Variants in PFKL observed in about 807,000 individuals in gnomAD.
PFKL encodes the protein ATP-dependent 6-phosphofructokinase, liver type.
PFKL carries 74 observed loss-of-function variants against 92.1 expected under a neutral mutation model. The observed-to-expected ratio is 0.80, with a 90% CI of 0.67 to 0.97. PFKL has a LOEUF of 0.97. Among genes scored for constraint, PFKL ranks in the 50% least tolerant of loss-of-function variants. PFKL has a pLI of 0.00. For synonymous variants in PFKL, 494 were observed against 456.4 expected (o/e 1.08, Z -1.05); for missense variants, 1,028 against 1,116.6 (o/e 0.92, Z 1.13).
At chr21:44,306,287 T>G (rs533039065) in intron 1 of PFKL, among the ~76,000 whole-genome samples, 5 of 152,120 alleles carry the variant, frequency 3.3e-5, no homozygotes, top group Admixed American at 6.5e-5. Context: ...CATGCCTGAT[T>G]GCCATGCTCT....
At chr21:44,300,648 G>A (rs1020469154) in intron 1 of PFKL, among the ~76,000 whole-genome samples, 25 of 152,260 alleles carry the variant, frequency 1.6e-4, no homozygotes, top group Admixed American at 1.6e-3. Flanking sequence ...ACTCACTCCC[G>A]GACCGCGCCT....
chr21:44,319,377 T>A lies in PFKL; in HGVS notation c.1089T>A (p.Asp363Glu). 1 of 1,613,742 alleles carries A rather than the reference T, an allele frequency of 6.2e-7. No homozygotes were observed. Among genetic ancestry groups the A allele is most frequent in the South Asian group, 1.1e-5 (1 of 91,088 alleles). ...QMTKEVQKAM[D>E]DKRFDEATQL... ...CCAAGGAAGTGCAGAAAGCCATGGA[T>A]GACAAGAGGTTTGACGAGGCCACCC... The change falls in exon 11 of 22, where the codon GAT (aspartate) becomes GAA (glutamate). Residue 363 changes from aspartate (D) to glutamate (E), a missense_variant. Physicochemically the swap from Asp to Glu is conservative, Grantham distance 45 (BLOSUM62 2). Coordinates refer to ENST00000349048, the MANE Select transcript of PFKL (RefSeq NM_002626.6).
In PFKL at chr21:44,326,031, CGGA is replaced by C; in HGVS notation, c.2062_2064del (p.Glu688del). 1 of 1,613,834 alleles carries C rather than the reference CGGA, an allele frequency of 6.2e-7. No homozygotes were observed. The highest frequency in any genetic ancestry group is 8.5e-7 in the Non-Finnish European group (1 of 1,179,948). On this transcript the variant is annotated inframe_deletion, in exon 20 of 22. Coordinates refer to ENST00000349048, the MANE Select transcript of PFKL (RefSeq NM_002626.6). ...GGGGTGAAGGCCATGCTGTGGTTGT[CGGA>C]GAAGCTGCGCGAGGTTTACCGCAAG... is the stretch of plus-strand genomic sequence containing the variant.
chr21:44,312,051 G>C (rs1289196672), intron 3 of PFKL, 54 bp from the exon 4 acceptor site: 1 of 1,340,204 alleles, frequency 7.5e-7, no homozygotes. Context: ...GTGATCCCCA[G>C]GGGCTGTCTG....
intron 2 of PFKL, chr21:44,307,285 G>T: frequency 1.0e-6 from 1 of 985,372 alleles, no homozygotes; most frequent in Non-Finnish European, 1.2e-6. Flanking sequence ...TACTGCCTCA[G>T]CCCCAGTCCC....
In PFKL at chr21:44,325,312, C is replaced by T. The variant is rs770269064; in HGVS notation, c.1989+48C>T. The T allele has an allele frequency of 2.3e-5, 30 of 1,286,392 alleles. No homozygotes were observed. The South Asian group carries it at 3.5e-4, about 15-fold the overall frequency. The allele number at this position is 1,286,392 out of a possible 1,614,324, so 79.7% of individuals were successfully genotyped here. A position where few individuals can be genotyped will look rare whatever the true frequency, so the allele number is the denominator to read the frequency against. The stretch of plus-strand genomic sequence containing the variant: ...TGAGAGGCCTGCCCCTCTTTCCTGC[C>T]ACCATCTGTCCCCGGCCCCAGGGGT... On this transcript the variant is annotated intron_variant, in intron 19 of 21. Transcript: ENST00000349048.
rs373942291 is a variant in PFKL at position 44,312,309 on chromosome 21, G to A, written c.427+15G>A. On this transcript the variant is annotated intron_variant, in intron 4 of 21. Coordinates refer to ENST00000349048, the MANE Select transcript of PFKL (RefSeq NM_002626.6). ...GGTGGCGGAAGGTGGGTCTGTGCCC[G>A]GCGCACTGTAGGCCCTGGGGTTTTG... 86 of 1,573,798 alleles carry A rather than the reference G, an allele frequency of 5.5e-5. No individual in the cohort carries two copies. In the East Asian group the frequency reaches 9.3e-4, roughly 17 times the overall value.
rs866533975 is a variant in PFKL at position 44,324,762 on chromosome 21, G to A, written c.1816-94G>A. ...GGCAGGGCCCGGGCAGGTGGGACGC[G>A]TAGCCCAGTGCTCCTGCTGGCCCCG... On this transcript the variant is annotated intron_variant, in intron 17 of 21. Coordinates refer to ENST00000349048, the MANE Select transcript of PFKL (RefSeq NM_002626.6). The A allele has an allele frequency of 1.2e-4, 187 of 1,569,306 alleles. 2 individuals are homozygous for A. In the Middle Eastern group the frequency reaches 4.9e-3, roughly 41 times the overall value.
At chr21:44,324,192 C>CT (rs1016667147) in intron 16 of PFKL, among the ~76,000 whole-genome samples, 5 of 152,256 alleles carry the variant, frequency 3.3e-5, no homozygotes, top group East Asian at 1.9e-4. Context: ...GCTGGGTAGT[C>CT]TAAGAGCAGC....
At chr21:44,304,270 C>G (rs1162227246) in intron 1 of PFKL, 2 of 1,289,094 alleles carry the variant, frequency 1.6e-6, no homozygotes, top group East Asian at 5.5e-5. Flanking sequence ...CTTTGCCGTT[C>G]CCAGGTCCCC....
intron 4 of PFKL, among the ~76,000 whole-genome samples, chr21:44,312,723 A>C (rs933495439): frequency 6.6e-6 from 1 of 152,184 alleles, no homozygotes; most frequent in African/African-American, 2.4e-5. Context: ...CATGTCCCTC[A>C]TGTGGGGGAC....
chr21:44,314,576 C>T (rs1000913806), intron 7 of PFKL: 6 of 144,260 alleles, frequency 4.2e-5, no homozygotes, highest in Admixed American at 1.4e-4. Context: ...AGGCCGAGAC[C>T]GCCTCTGGGA....
rs563378995 is a variant in PFKL at position 44,306,621 on chromosome 21, A to AGGG, written c.86-59_86-57dup. The AGGG allele has an allele frequency of 3.9e-4, 549 of 1,401,896 alleles. 6 individuals are homozygous for AGGG. In the African/African-American group the frequency reaches 6.5e-3, roughly 17 times the overall value. 86.8% of individuals were successfully genotyped at this position (1,401,896 alleles called of 1,614,324 possible). A position where few individuals can be genotyped will look rare whatever the true frequency, so the allele number is the denominator to read the frequency against. ...CTACCCCCTGTCCTCTGAGATGGGG[A>AGGG]GGGTGTCCAGGGCCTTGCTTCTCAG... On this transcript the variant is annotated intron_variant, in intron 1 of 21. Coordinates refer to ENST00000349048, the MANE Select transcript of PFKL (RefSeq NM_002626.6).
chr21:44,312,415 C>T, intron 4 of PFKL, 121 bp downstream of exon 4: 2 of 934,986 alleles, frequency 2.1e-6, no homozygotes, highest in Non-Finnish European at 3.1e-6. Flanking sequence ...AGAGGAGGGG[C>T]TGTCTGGCCG....
In PFKL at chr21:44,320,110, A is replaced by G; in HGVS notation, c.1154A>G (p.Tyr385Cys). 1.2e-6 allele frequency: 2 copies of G among 1,613,392 alleles called. No homozygotes were observed. The highest frequency in any genetic ancestry group is 1.7e-6 in the Non-Finnish European group (2 of 1,179,808). Residue 385 changes from tyrosine (Y) to cysteine (C), a missense_variant, in exon 12 of 22, where the codon TAC (tyrosine) becomes TGC (cysteine). Transcript: ENST00000349048. ...AGCTTCGAGAACAACTGGAACATTT[A>G]CAAGCTCCTCGCCCACCAGAAGCCC... The part of the protein sequence containing the change: ...GGSFENNWNI[Y>C]KLLAHQKPPK...
chr21:44,312,635 G>C (rs1210197639), intron 4 of PFKL, among the ~76,000 whole-genome samples: 1 of 152,234 alleles, frequency 6.6e-6, no homozygotes, highest in Non-Finnish European at 1.5e-5. Flanking sequence ...CAGAAATAGA[G>C]TTGAAGTTGG....
At chr21:44,312,419 CTGG>C in intron 4 of PFKL, 125 bp downstream of exon 4, 1 of 893,086 alleles carries the variant, frequency 1.1e-6, no homozygotes, top group Non-Finnish European at 1.6e-6. Context: ...GAGGGGCTGT[CTGG>C]CCGTTGGCCG....
At chr21:44,311,123 C>G (rs554945102) in intron 3 of PFKL, 40 bp downstream of exon 3, 1 of 1,516,126 alleles carries the variant, frequency 6.6e-7, no homozygotes, top group East Asian at 2.3e-5. Flanking sequence ...CACTTGGACT[C>G]GCAGACAGAC....
intron 6 of PFKL, 31 bp from the exon 7 acceptor site, chr21:44,313,882 G>C: frequency 6.6e-7 from 1 of 1,517,558 alleles, no homozygotes; most frequent in Non-Finnish European, 8.9e-7. Flanking sequence ...CTGGGTGGGG[G>C]TCCTGAGCAG....
Sources: allele counts gnomAD v4.1 joint callset (sites outside exome capture counted in the v4.1 genomes callset), GRCh38; gene constraint gnomAD v4.1.1; transcripts MANE v1.5; gene names NCBI Gene and HGNC (gene_info 2026-07-23, HGNC 2026-07-21).